ABAT: variants seen among roughly 807,000 people sequenced by gnomAD.
ABAT encodes 4-aminobutyrate aminotransferase, also known as 4-aminobutyrate aminotransferase, mitochondrial.
In ABAT, 45 loss-of-function variants were observed where a neutral mutation model predicts 64.6. That is an observed-to-expected ratio of 0.70 (90% confidence interval 0.55 to 0.89). The LOEUF is 0.89. Among genes scored for constraint, ABAT ranks in the 40% least tolerant of loss-of-function variants. The pLI is 0.00. For missense variants in ABAT, 633 were observed against 658.4 expected, an observed-to-expected ratio of 0.96 and a Z score of 0.42; for synonymous variants, 297 against 250.5, an observed-to-expected ratio of 1.19 and a Z score of -1.75.
chr16:8,772,264 G>C (rs879354389), intron 11 of ABAT, among the ~76,000 whole-genome samples: 5,283 of 25,686 alleles, frequency 0.21, 111 homozygotes, highest in Middle Eastern at 0.46. Flanking sequence ...GTGTGTGTGT[G>C]TGTGTGTGTG....
chr16:8,778,951 A>C (rs2060348649), intron 14 of ABAT, among the ~76,000 whole-genome samples: 1 of 152,160 alleles, frequency 6.6e-6, no homozygotes, highest in African/African-American at 2.4e-5. Context: ...GAAACTATTC[A>C]ATCCAGTACA....
intron 1 of ABAT, among the ~76,000 whole-genome samples, chr16:8,728,094 T>C (rs2058611238): frequency 6.6e-6 from 1 of 151,850 alleles, no homozygotes; most frequent in South Asian, 2.1e-4. Context: ...GAGAGATTGA[T>C]TATATCTAAA....
In ABAT at chr16:8,782,937, T is replaced by G. The variant is rs1596476651; in HGVS notation, c.*1507T>G. ...CGTCCAAAGATCTCAAAGTAAGGGT[T>G]TTTTTTTTTAGCTTCCACTCTTCCG... On this transcript the variant is annotated 3_prime_UTR_variant, in exon 16 of 16. Coordinates refer to ENST00000268251, the MANE Select transcript of ABAT (RefSeq NM_020686.6). 1 of 148,126 alleles carries G rather than the reference T, an allele frequency of 6.8e-6. No homozygotes were observed. The highest frequency in any genetic ancestry group is 6.7e-5 in the Admixed American group (1 of 14,940). The allele number at this position is 148,126 out of a possible 1,614,324, so 9.2% of individuals were successfully genotyped here.
At chr16:8,734,017 A>G (rs141234769) in intron 1 of ABAT, among the ~76,000 whole-genome samples, 1 of 151,852 alleles carries the variant, frequency 6.6e-6, no homozygotes, top group African/African-American at 2.4e-5. Context: ...GATACAGCAT[A>G]TTTTTTCCCA....
intron 2 of ABAT, among the ~76,000 whole-genome samples, chr16:8,738,811 A>G (rs913897566): frequency 1.5e-4 from 22 of 151,502 alleles, no homozygotes; most frequent in African/African-American, 5.3e-4. Flanking sequence ...TGCCCGGCTA[A>G]TTTTTATATT....
rs2060024079 is a variant in ABAT at position 8,768,979 on chromosome 16, G to A, written c.816+6G>A. 6.2e-7 allele frequency: 1 copy of A among 1,613,970 alleles called. No individual in the cohort carries two copies. Among genetic ancestry groups the A allele is most frequent in the African/African-American group, 1.3e-5 (1 of 74,920 alleles). On this transcript the variant is annotated splice_donor_region_variant and intron_variant, in intron 11 of 15. Transcript: ENST00000268251. ...AGGCCCGCTGTCTGGAAGAGGTAAT[G>A]CTCATACCCTGCGGATCCTCCCCAA...
intron 1 of ABAT, among the ~76,000 whole-genome samples, chr16:8,685,600 C>T (rs1162028792): frequency 3.3e-5 from 5 of 150,650 alleles, no homozygotes; most frequent in Non-Finnish European, 7.4e-5. Flanking sequence ...CGCTTGAACC[C>T]GGGAGGCGGA....
chr16:8,684,018 G>A (rs752215705), intron 1 of ABAT, among the ~76,000 whole-genome samples: 15 of 152,228 alleles, frequency 9.9e-5, no homozygotes, highest in Middle Eastern at 3.4e-3. Context: ...CTACACCAGC[G>A]CCTCTTCTAG....
intron 1 of ABAT, among the ~76,000 whole-genome samples, chr16:8,710,727 A>AGAGAGGAGAGGGAGG (rs146344975): frequency 4.8e-5 from 5 of 103,740 alleles, no homozygotes; most frequent in East Asian, 4.5e-4. Context: ...AGAGAGAGAG[A>AGAGAGGAGAGGGAGG]GAGGAAATAG....
At chr16:8,725,325 T>C (rs1243070323) in intron 1 of ABAT, among the ~76,000 whole-genome samples, 1 of 152,160 alleles carries the variant, frequency 6.6e-6, no homozygotes, top group Non-Finnish European at 1.5e-5. Flanking sequence ...TAATTCCAGA[T>C]TTTTTTCATC....
At chr16:8,683,338 C>G (rs2057378053) in intron 1 of ABAT, 1 of 152,758 alleles carries the variant, frequency 6.5e-6, no homozygotes, top group African/African-American at 2.4e-5. Context: ...AGTTCTGGGC[C>G]GTACTGTACT....
At chr16:8,755,134 G>GT (rs2059614132) in intron 5 of ABAT, among the ~76,000 whole-genome samples, 2 of 149,962 alleles carry the variant, frequency 1.3e-5, no homozygotes, top group African/African-American at 5.0e-5. Flanking sequence ...TCGTTGATTC[G>GT]TTTTTGTTTT....
chr16:8,738,627 TG>T lies in ABAT; in HGVS notation c.70+2819del, dbSNP rs58000192. On this transcript the variant is annotated intron_variant, in intron 2 of 15. Coordinates refer to ENST00000268251, the MANE Select transcript of ABAT (RefSeq NM_020686.6). ...TTGTTTTTGTTTTTGTTTTTGTTTT[TG>T]TTTTTTTTTTGGTGTGTGTGTATGT... Among the ~76,000 whole-genome samples, 262 of 142,158 alleles carry T rather than the reference TG, an allele frequency of 1.8e-3. 14 individuals carry two copies. The highest frequency in any genetic ancestry group is 5.6e-3 in the African/African-American group (192 of 34,036). 93.3% of individuals were successfully genotyped at this position (142,158 alleles called of 152,430 possible). A position where few individuals can be genotyped will look rare whatever the true frequency, so the allele number is the denominator to read the frequency against.
chr16:8,686,300 C>G (rs2057454819), intron 1 of ABAT, among the ~76,000 whole-genome samples: 1 of 152,192 alleles, frequency 6.6e-6, no homozygotes, highest in African/African-American at 2.4e-5. Flanking sequence ...CTGCCCCAGC[C>G]CTAAGTGTCC....
At chr16:8,703,154 C>T (rs2057863177) in intron 1 of ABAT, among the ~76,000 whole-genome samples, 1 of 151,962 alleles carries the variant, frequency 6.6e-6, no homozygotes, top group African/African-American at 2.4e-5. Context: ...ACTTAAATTA[C>T]TGCTGTTAAG....
intron 14 of ABAT, among the ~76,000 whole-genome samples, chr16:8,779,260 T>G (rs1451040878): frequency 2.0e-5 from 3 of 150,896 alleles, no homozygotes; most frequent in African/African-American, 7.3e-5. Flanking sequence ...CTGGTGGTGG[T>G]GGTGGTGGTT....
intron 1 of ABAT, among the ~76,000 whole-genome samples, chr16:8,700,757 G>A (rs554898201): frequency 6.6e-6 from 1 of 152,120 alleles, no homozygotes; most frequent in South Asian, 2.1e-4. Context: ...CACTACACCT[G>A]GCGCATTTTA....
chr16:8,776,328 C>G lies in ABAT; in HGVS notation c.1123-16C>G, dbSNP rs765536692. On this transcript the variant is annotated splice_polypyrimidine_tract_variant and intron_variant, in intron 13 of 15. Transcript: ENST00000268251. This position sits in a 1 kb window ranked among gnomAD's most constrained non-coding sequence, Gnocchi z 4.4. ...GCATGTGTGTGAAGCCTTCCAACACCCGTTCCTCATTCCAGCCCTACCGGA... is the reference window on the plus strand; with the variant it reads ...GCATGTGTGTGAAGCCTTCCAACACGCGTTCCTCATTCCAGCCCTACCGGA... 2 of 1,614,000 alleles carry G rather than the reference C, an allele frequency of 1.2e-6. No homozygotes were observed. Among genetic ancestry groups the G allele is most frequent in the Non-Finnish European group, 1.7e-6 (2 of 1,180,026 alleles).
intron 5 of ABAT, among the ~76,000 whole-genome samples, chr16:8,751,112 C>T (rs1214650018): frequency 1.3e-5 from 2 of 152,052 alleles, no homozygotes; most frequent in African/African-American, 2.4e-5. Context: ...CCATGCCTAT[C>T]TAATTTTTGC....
Sources: allele counts gnomAD v4.1 joint callset (sites outside exome capture counted in the v4.1 genomes callset), GRCh38; gene constraint gnomAD v4.1.1; non-coding constraint Gnocchi (gnomAD v3.1); transcripts MANE v1.5; gene names NCBI Gene and HGNC (gene_info 2026-07-23, HGNC 2026-07-21).